HDAC9: variants seen among roughly 807,000 people sequenced by gnomAD.
The protein encoded by HDAC9 is histone deacetylase 9.
In HDAC9, 41 loss-of-function variants were observed where a neutral mutation model predicts 139.4. The ratio of observed to expected loss-of-function variants is 0.29; its 90% CI spans 0.23 to 0.38. HDAC9 has a LOEUF of 0.38. Among genes scored for constraint, HDAC9 ranks in the 10% least tolerant of loss-of-function variants. HDAC9 has a pLI of 1.00. For missense variants in HDAC9, 1,147 were observed against 1,297.0 expected, an observed-to-expected ratio of 0.88 and a Z score of 1.78; for synonymous variants, 517 against 476.2, an observed-to-expected ratio of 1.09 and a Z score of -1.12.
chr7:18,153,085 G>A (rs541420749), intron 1 of HDAC9, among the ~76,000 whole-genome samples: 4 of 152,218 alleles, frequency 2.6e-5, no homozygotes, highest in South Asian at 2.1e-4. Context: ...GGGAGATGAG[G>A]TTGGTTCAAC....
chr7:18,170,332 T>A (rs1788331754), intron 2 of HDAC9, among the ~76,000 whole-genome samples: 1 of 152,084 alleles, frequency 6.6e-6, no homozygotes, highest in South Asian at 2.1e-4. Context: ...TGTAAATGTG[T>A]TTAAATTCTT....
chr7:18,518,278 A>G, intron 2 of HDAC9, among the ~76,000 whole-genome samples: 1 of 152,218 alleles, frequency 6.6e-6, no homozygotes, highest in East Asian at 1.9e-4. Flanking sequence ...AGTTTGAAGT[A>G]ACCCAGAAAG....
intron 1 of HDAC9, among the ~76,000 whole-genome samples, chr7:18,333,138 G>T (rs1464164826): frequency 1.3e-5 from 2 of 151,408 alleles, no homozygotes; most frequent in Non-Finnish European, 3.0e-5. Flanking sequence ...AATAAACAAC[G>T]ATTTGGAAGG....
chr7:18,833,379 A>G (rs1165045154), intron 19 of HDAC9, among the ~76,000 whole-genome samples: 1 of 152,254 alleles, frequency 6.6e-6, no homozygotes, highest in Non-Finnish European at 1.5e-5. Flanking sequence ...TAATCAAAGC[A>G]ATATTTTTCT....
chr7:18,370,736 A>G (rs1162693278), intron 1 of HDAC9, among the ~76,000 whole-genome samples: 2 of 152,178 alleles, frequency 1.3e-5, no homozygotes, highest in African/African-American at 4.8e-5. Flanking sequence ...TATTTGGTCC[A>G]TAATGGTTTG....
rs561579249 is a variant in HDAC9 at position 18,952,119 on chromosome 7, A to C, written c.2938-2027A>C. Among the ~76,000 whole-genome samples the C allele has an allele frequency of 2.6e-5, 4 of 152,088 alleles. No individual in the cohort carries two copies. The East Asian group carries it at 7.7e-4, about 29-fold the overall frequency. Reference sequence around the variant, plus strand: ...AAATCCTCTAAATGACATTCAACTAAAACATGCAGGGAAATGGTTTGGGAG... The same window carrying C: ...AAATCCTCTAAATGACATTCAACTACAACATGCAGGGAAATGGTTTGGGAG... On this transcript the variant is annotated intron_variant, in intron 23 of 25. Transcript: ENST00000686413.
chr7:18,225,763 A>G lies in HDAC9; in HGVS notation c.25+63414A>G, dbSNP rs11971638. On this transcript the variant is annotated intron_variant, in intron 2 of 12. Transcript: ENST00000417496. ...TCCTGTTGGATTTCATGATAAAGTT[A>G]CAGTTTCATTTTATCAAAGGGAAAA... 9.8e-3 allele frequency among the ~76,000 whole-genome samples: 1,495 copies of G among 152,274 alleles called. 23 individuals carry two copies. Among genetic ancestry groups the G allele is most frequent in the African/African-American group, 0.033 (1,392 of 41,572 alleles).
chr7:18,792,268 A>T (rs12535768), intron 16 of HDAC9, among the ~76,000 whole-genome samples: 76,651 of 123,138 alleles, frequency 0.62, 23,487 homozygotes, highest in Non-Finnish European at 0.72. Flanking sequence ...TTTTTTTTTT[A>T]AAAAAAAAAA....
intron 12 of HDAC9, among the ~76,000 whole-genome samples, chr7:18,711,362 G>A (rs966584018): frequency 6.6e-5 from 10 of 152,298 alleles, no homozygotes; most frequent in Non-Finnish European, 1.0e-4. Flanking sequence ...CTGAGTTAAT[G>A]TAAAGTCTCT....
At chr7:18,680,375 T>G (rs1781810291) in intron 12 of HDAC9, among the ~76,000 whole-genome samples, 1 of 152,036 alleles carries the variant, frequency 6.6e-6, no homozygotes, top group Non-Finnish European at 1.5e-5. Flanking sequence ...GATTCAGAAC[T>G]ATTCAGGTTT....
intron 2 of HDAC9, among the ~76,000 whole-genome samples, chr7:18,259,076 TCTC>T (rs1273025668): frequency 6.8e-6 from 1 of 147,850 alleles, no homozygotes; most frequent in Non-Finnish European, 1.5e-5. Context: ...TTCAAGCACT[TCTC>T]CTGCCTCAGC....
chr7:18,844,966 C>T (rs1334534933), intron 21 of HDAC9, among the ~76,000 whole-genome samples: 4 of 152,024 alleles, frequency 2.6e-5, no homozygotes, highest in African/African-American at 9.7e-5. Context: ...GCTTCCTTTC[C>T]GGTAAATATG....
At chr7:18,522,834 T>A (rs1340492057) in intron 2 of HDAC9, among the ~76,000 whole-genome samples, 1 of 152,170 alleles carries the variant, frequency 6.6e-6, no homozygotes, top group Admixed American at 6.6e-5. Context: ...TTGTAGGTGG[T>A]AAAAATCATT....
At chr7:18,915,779 TAACAAC>T (rs370992123) in intron 22 of HDAC9, among the ~76,000 whole-genome samples, 9 of 151,704 alleles carry the variant, frequency 5.9e-5, no homozygotes, top group African/African-American at 1.5e-4. Flanking sequence ...ATTTTTTCCC[TAACAAC>T]AACAACAACA....
At chr7:18,614,188 A>G (rs1837961596) in intron 6 of HDAC9, among the ~76,000 whole-genome samples, 1 of 152,042 alleles carries the variant, frequency 6.6e-6, no homozygotes, top group African/African-American at 2.4e-5. Flanking sequence ...TTTGGGATCT[A>G]ACTCCACATC....
intron 2 of HDAC9, among the ~76,000 whole-genome samples, chr7:18,553,852 G>A (rs1035800781): frequency 2.0e-5 from 3 of 152,172 alleles, no homozygotes; most frequent in African/African-American, 7.2e-5. Context: ...TAAATTAGAA[G>A]AGAGTTATAG....
intron 2 of HDAC9, among the ~76,000 whole-genome samples, chr7:18,547,393 GC>G (rs1815291006): frequency 6.6e-6 from 1 of 152,124 alleles, no homozygotes; most frequent in Non-Finnish European, 1.5e-5. Context: ...CTGCAACCCC[GC>G]CCGGCTAATC....
chr7:18,957,726 G>A (rs955394005), intron 24 of HDAC9, among the ~76,000 whole-genome samples: 2 of 152,182 alleles, frequency 1.3e-5, no homozygotes, highest in Non-Finnish European at 2.9e-5. Context: ...AGCTGCCCCT[G>A]AAGGTAGTCC....
At chr7:18,940,503 T>A (rs561393811) in intron 23 of HDAC9, among the ~76,000 whole-genome samples, 21 of 152,296 alleles carry the variant, frequency 1.4e-4, no homozygotes, top group Non-Finnish European at 2.9e-4. Flanking sequence ...ATATTTTTGA[T>A]CTTTTTCAAT....
Sources: gnomAD v4.1 joint callset for allele counts (sites outside exome capture counted in the v4.1 genomes callset) on GRCh38, gnomAD v4.1.1 for gene constraint, MANE v1.5 for transcripts, NCBI Gene and HGNC (gene_info 2026-07-23, HGNC 2026-07-21) for gene names.